The following ANKRD11 variants were observed in gnomAD, a reference collection of about 807,000 sequenced individuals.
ANKRD11 encodes the protein ankyrin repeat domain-containing protein 11.
Under a neutral mutation model 195.7 loss-of-function variants are expected in ANKRD11, and 17 were observed. The observed-to-expected ratio is 0.09, with a 90% CI of 0.06 to 0.13. ANKRD11 has a LOEUF of 0.13. Ranked by LOEUF, ANKRD11 falls within the 10% of genes least tolerant of loss-of-function variation. The pLI is 1.00. For missense variants in ANKRD11, 3,735 were observed against 3,566.1 expected (o/e 1.05, Z -1.21); for synonymous variants, 1,953 against 1,528.1 (o/e 1.28, Z -6.49).
At chr16:89,359,395 C>G (rs1217505394) in intron 2 of ANKRD11, among the ~76,000 whole-genome samples, 1 of 152,220 alleles carries the variant, frequency 6.6e-6, no homozygotes, top group Non-Finnish European at 1.5e-5. Flanking sequence ...GCTCCTGGAG[C>G]CAGCCCCAGC....
At chr16:89,356,278 G>A (rs1217542815) in intron 2 of ANKRD11, among the ~76,000 whole-genome samples, 1 of 151,702 alleles carries the variant, frequency 6.6e-6, no homozygotes, top group Non-Finnish European at 1.5e-5. Context: ...AGACATCTTT[G>A]TCAAGGGAGT....
chr16:89,450,901 C>T (rs1351082893), intron 1 of ANKRD11, among the ~76,000 whole-genome samples: 1 of 152,194 alleles, frequency 6.6e-6, no homozygotes, highest in Non-Finnish European at 1.5e-5. Flanking sequence ...TAAATGACCA[C>T]GTGGCCCAAT....
chr16:89,435,953 A>C (rs2043200076), intron 1 of ANKRD11, among the ~76,000 whole-genome samples: 1 of 152,190 alleles, frequency 6.6e-6, no homozygotes, highest in Non-Finnish European at 1.5e-5. Context: ...AAGAACAGCC[A>C]GTTGTGTCCT....
rs1021153869 is a variant in ANKRD11 at position 89,327,165 on chromosome 16, C to T, written c.-59-10087G>A. On this transcript the variant is annotated intron_variant, in intron 2 of 12. Coordinates refer to ENST00000301030, the MANE Select transcript of ANKRD11 (RefSeq NM_013275.6). ...ATGACAGCGAAATATGTAAGGCTGG[C>T]TCAACCATCAATCAGTCAACGTCAC... Among the ~76,000 whole-genome samples, 5 of 152,220 alleles carry T rather than the reference C, an allele frequency of 3.3e-5. No homozygotes were observed. In the East Asian group the frequency reaches 9.6e-4, roughly 29 times the overall value.
chr16:89,424,464 GAA>G (rs1381720495), intron 1 of ANKRD11, among the ~76,000 whole-genome samples: 2 of 150,740 alleles, frequency 1.3e-5, no homozygotes, highest in Non-Finnish European at 3.0e-5. Context: ...GAGAGAGAAA[GAA>G]AAAAGTCTCA....
At chr16:89,448,834 G>C (rs778093006) in intron 1 of ANKRD11, among the ~76,000 whole-genome samples, 3 of 152,062 alleles carry the variant, frequency 2.0e-5, no homozygotes, top group Non-Finnish European at 2.9e-5. Context: ...CCCGGCATGC[G>C]GGCAGGGCAG....
At chr16:89,426,359 C>T (rs2042714312) in intron 1 of ANKRD11, among the ~76,000 whole-genome samples, 1 of 152,138 alleles carries the variant, frequency 6.6e-6, no homozygotes, top group Non-Finnish European at 1.5e-5. Flanking sequence ...AAGGACAGTG[C>T]TGGACTGTGC....
At chr16:89,317,801 T>C (rs756179072) in intron 2 of ANKRD11, among the ~76,000 whole-genome samples, 2 of 152,294 alleles carry the variant, frequency 1.3e-5, no homozygotes, top group South Asian at 2.1e-4. Flanking sequence ...AATTTTGCCA[T>C]CTTAACAAGT....
intron 2 of ANKRD11, among the ~76,000 whole-genome samples, chr16:89,385,546 A>G (rs1329920240): frequency 6.6e-6 from 1 of 152,056 alleles, no homozygotes; most frequent in East Asian, 1.9e-4. Context: ...CAGAGCCTCA[A>G]GCTGCTCCCT....
In ANKRD11 at chr16:89,351,276, G is replaced by A. The variant is rs572365390; in HGVS notation, c.-59-34198C>T. Reference sequence around the variant, plus strand: ...AATGCCCATCACCCCACGCCCACAGGCCGCCAAACACATCTGGAAAAGCAG... The same window carrying A: ...AATGCCCATCACCCCACGCCCACAGACCGCCAAACACATCTGGAAAAGCAG... On this transcript the variant is annotated intron_variant, in intron 2 of 12. Coordinates refer to ENST00000301030, the MANE Select transcript of ANKRD11 (RefSeq NM_013275.6). 3.9e-5 allele frequency among the ~76,000 whole-genome samples: 6 copies of A among 152,212 alleles called. No homozygotes were observed. In the South Asian group the frequency reaches 1.3e-3, roughly 32 times the overall value.
chr16:89,371,455 G>T (rs2040188737), intron 2 of ANKRD11, among the ~76,000 whole-genome samples: 1 of 152,192 alleles, frequency 6.6e-6, no homozygotes, highest in South Asian at 2.1e-4. Context: ...CCACAGAAGG[G>T]GCCGCTGACG....
At chr16:89,278,668 C>G (rs1051965532) in intron 9 of ANKRD11, 18 of 468,402 alleles carry the variant, frequency 3.8e-5, no homozygotes, top group African/African-American at 3.2e-4. Flanking sequence ...AGGGAACCCA[C>G]GCGGGTCCAA....
At chr16:89,300,689 C>T (rs2035796324) in intron 4 of ANKRD11, 2 of 539,494 alleles carry the variant, frequency 3.7e-6, no homozygotes, top group Admixed American at 7.3e-5. Context: ...CTATCTGAGG[C>T]ACCAGGAACA....
intron 2 of ANKRD11, among the ~76,000 whole-genome samples, chr16:89,362,199 T>C (rs2152060169): frequency 6.6e-6 from 1 of 152,362 alleles, no homozygotes; most frequent in East Asian, 1.9e-4. Context: ...CCAACTGCCT[T>C]CTTCTTCCCC....
intron 2 of ANKRD11, chr16:89,361,393 G>A (rs996688927): frequency 1.6e-4 from 24 of 152,358 alleles, no homozygotes; most frequent in African/African-American, 5.1e-4. Context: ...ACAGACCACT[G>A]AGCATGAGCT....
intron 2 of ANKRD11, among the ~76,000 whole-genome samples, chr16:89,325,674 G>A (rs1480919752): frequency 6.6e-6 from 1 of 152,242 alleles, no homozygotes; most frequent in Non-Finnish European, 1.5e-5. Context: ...AGGCTGCGGA[G>A]GCGTTTGCTT....
intron 2 of ANKRD11, among the ~76,000 whole-genome samples, chr16:89,346,877 CAG>C (rs1171036861): frequency 6.6e-6 from 1 of 152,168 alleles, no homozygotes; most frequent in African/African-American, 2.4e-5. Context: ...AAACATGTAA[CAG>C]AGACTAAACA....
At chr16:89,435,842 G>A (rs1055315761) in intron 1 of ANKRD11, among the ~76,000 whole-genome samples, 12 of 134,824 alleles carry the variant, frequency 8.9e-5, no homozygotes, top group South Asian at 2.4e-4. Flanking sequence ...ACACGCTTTC[G>A]GTCTGTTCGC....
At chr16:89,413,020 C>T (rs1044795094) in intron 2 of ANKRD11, among the ~76,000 whole-genome samples, 2 of 152,126 alleles carry the variant, frequency 1.3e-5, no homozygotes, top group Non-Finnish European at 2.9e-5. Flanking sequence ...TGTTCCAAAC[C>T]CTCCCCCAGG....
Sources: gnomAD v4.1 joint callset for allele counts (sites outside exome capture counted in the v4.1 genomes callset) on GRCh38, gnomAD v4.1.1 for gene constraint, MANE v1.5 for transcripts, NCBI Gene and HGNC (gene_info 2026-07-23, HGNC 2026-07-21) for gene names.